CNTNAP2: variants seen among roughly 807,000 people sequenced by gnomAD.
CNTNAP2 encodes contactin associated protein 2.
In CNTNAP2, 98 loss-of-function variants were observed where a neutral mutation model predicts 155.2. The observed-to-expected ratio is 0.63, with a 90% CI of 0.54 to 0.75. The LOEUF (loss-of-function observed/expected upper bound fraction) is 0.75, where lower values mean the gene tolerates loss of function less well. Ranked by LOEUF, CNTNAP2 falls within the 30% of genes least tolerant of loss-of-function variation. CNTNAP2 has a pLI of 0.00. For missense variants in CNTNAP2, 1,727 were observed against 1,688.1 expected (o/e 1.02, Z -0.40); for synonymous variants, 651 against 631.2 (o/e 1.03, Z -0.47).
intron 1 of CNTNAP2, among the ~76,000 whole-genome samples, chr7:146,326,827 C>T (rs1801105312): frequency 1.3e-5 from 2 of 152,102 alleles, no homozygotes; most frequent in African/African-American, 4.8e-5. Flanking sequence ...AACTATGTAA[C>T]CAGTTGGTTA....
intron 4 of CNTNAP2, among the ~76,000 whole-genome samples, chr7:147,047,105 C>CT (rs34699998): frequency 0.018 from 1,749 of 99,804 alleles, 73 homozygotes; most frequent in East Asian, 0.031. Flanking sequence ...AGTTATGTTT[C>CT]TTTTTTTTTT....
At chr7:146,291,012 T>C (rs1017022275) in intron 1 of CNTNAP2, among the ~76,000 whole-genome samples, 1 of 152,216 alleles carries the variant, frequency 6.6e-6, no homozygotes. Flanking sequence ...AGAGTTCCCT[T>C]GCCAACTACA....
chr7:148,194,002 G>A (rs1795237038), intron 18 of CNTNAP2, among the ~76,000 whole-genome samples: 1 of 150,162 alleles, frequency 6.7e-6, no homozygotes, highest in Non-Finnish European at 1.5e-5. Flanking sequence ...ACAGGGTCTT[G>A]CTCTGTCGCC....
At chr7:148,033,873 C>A (rs979220181) in intron 15 of CNTNAP2, among the ~76,000 whole-genome samples, 2 of 152,144 alleles carry the variant, frequency 1.3e-5, no homozygotes, top group Non-Finnish European at 2.9e-5. Flanking sequence ...CATATTACTT[C>A]TTCTTACCCC....
chr7:147,586,628 G>C (rs1029784480), intron 12 of CNTNAP2, among the ~76,000 whole-genome samples: 1 of 151,602 alleles, frequency 6.6e-6, no homozygotes, highest in African/African-American at 2.4e-5. Flanking sequence ...TAAAGAATGA[G>C]GCAGAAACAA....
At chr7:146,648,628 T>C (rs1799855749) in intron 1 of CNTNAP2, among the ~76,000 whole-genome samples, 1 of 152,132 alleles carries the variant, frequency 6.6e-6, no homozygotes, top group Non-Finnish European at 1.5e-5. Context: ...TCAGATATTT[T>C]GTAAGCAATG....
chr7:146,995,153 A>T (rs1916941), intron 3 of CNTNAP2, among the ~76,000 whole-genome samples: 1 of 151,756 alleles, frequency 6.6e-6, no homozygotes, highest in African/African-American at 2.4e-5. Context: ...TCGATTTGTG[A>T]TAAATGACAC....
intron 8 of CNTNAP2, among the ~76,000 whole-genome samples, chr7:147,157,324 T>C (rs895310259): frequency 6.0e-4 from 92 of 152,226 alleles, no homozygotes; most frequent in African/African-American, 2.1e-3. Flanking sequence ...TTCCCTGAGA[T>C]CCAATTTTGA....
chr7:147,785,139 A>G (rs1797721011), intron 13 of CNTNAP2, among the ~76,000 whole-genome samples: 1 of 152,160 alleles, frequency 6.6e-6, no homozygotes, highest in Non-Finnish European at 1.5e-5. Flanking sequence ...TGAGACATAA[A>G]TTTTGAGGTT....
intron 13 of CNTNAP2, among the ~76,000 whole-genome samples, chr7:147,770,437 TA>T (rs1364969889): frequency 1.3e-5 from 2 of 152,298 alleles, no homozygotes; most frequent in East Asian, 1.9e-4. Context: ...CCAAAGAAAC[TA>T]AAAAAGTCAT....
intron 1 of CNTNAP2, among the ~76,000 whole-genome samples, chr7:146,288,555 A>G (rs1212369292): frequency 2.0e-5 from 3 of 151,980 alleles, no homozygotes; most frequent in South Asian, 2.1e-4. Flanking sequence ...ATTTTATGCC[A>G]TTTTACTTAA....
chr7:147,493,286 C>T (rs545699554), intron 11 of CNTNAP2, among the ~76,000 whole-genome samples: 2 of 152,290 alleles, frequency 1.3e-5, no homozygotes, highest in South Asian at 4.1e-4. Context: ...AGTACATCTA[C>T]TCTTTCTAAT....
chr7:146,885,855 T>C (rs1392884315), intron 3 of CNTNAP2, among the ~76,000 whole-genome samples: 4 of 152,122 alleles, frequency 2.6e-5, no homozygotes, highest in Admixed American at 2.0e-4. Flanking sequence ...TTCAATAATA[T>C]GTGAGTGTAT....
chr7:146,756,382 A>G (rs1054516631), intron 1 of CNTNAP2, among the ~76,000 whole-genome samples: 1 of 152,020 alleles, frequency 6.6e-6, no homozygotes, highest in Admixed American at 6.6e-5. Flanking sequence ...ATGCTTGATA[A>G]CATTATCTTC....
chr7:146,453,348 A>G (rs1796509767), intron 1 of CNTNAP2, among the ~76,000 whole-genome samples: 1 of 152,202 alleles, frequency 6.6e-6, no homozygotes, highest in African/African-American at 2.4e-5. Flanking sequence ...TAGAGTTTGC[A>G]TCAGTAGTAA....
At position 146,995,455 on chromosome 7, in the gene CNTNAP2, G is replaced by A. The variant is rs563631616; in HGVS notation, c.403-48452G>A. ...ATATTAATGTATATTCCCATCAACA[G>A]TTGATAAGACTTCTGTTTTCTCCAC... On this transcript the variant is annotated intron_variant, in intron 3 of 23. Transcript: ENST00000361727. 3.2e-4 allele frequency among the ~76,000 whole-genome samples: 48 copies of A among 152,096 alleles called. No individual in the cohort carries two copies. The East Asian group carries it at 8.9e-3, about 28-fold the overall frequency.
intron 10 of CNTNAP2, among the ~76,000 whole-genome samples, chr7:147,398,589 C>CTTTTTTTTTTT (rs58507416): frequency 1.0e-4 from 9 of 87,718 alleles, no homozygotes; most frequent in Non-Finnish European, 1.3e-4. Flanking sequence ...ACGATTTGAA[C>CTTTTTTTTTTT]TTTTTTTTTT....
At position 146,171,027 on chromosome 7, in the gene CNTNAP2, A is replaced by AAAATAAAT. The variant is rs34457672; in HGVS notation, c.97+54073_97+54080dup. ...AGGCAACAGAGCGAGACTCCGTCTA[A>AAAATAAAT]AAATAAATAAATAAATAAATAAATA... is the stretch of plus-strand genomic sequence containing the variant. On this transcript the variant is annotated intron_variant, in intron 1 of 23. Transcript: ENST00000361727. 1.6e-3 allele frequency among the ~76,000 whole-genome samples: 241 copies of AAAATAAAT among 151,830 alleles called. 2 individuals are homozygous for AAAATAAAT. Among genetic ancestry groups the AAAATAAAT allele is most frequent in the East Asian group, 6.0e-3 (31 of 5,164 alleles).
At chr7:147,214,894 CT>C (rs1803232111) in intron 8 of CNTNAP2, among the ~76,000 whole-genome samples, 1 of 152,132 alleles carries the variant, frequency 6.6e-6, no homozygotes, top group Non-Finnish European at 1.5e-5. Flanking sequence ...CCTCAGCATA[CT>C]TACGGTCATG....
Sources: allele counts gnomAD v4.1 joint callset (sites outside exome capture counted in the v4.1 genomes callset), GRCh38; gene constraint gnomAD v4.1.1; transcripts MANE v1.5; gene names NCBI Gene and HGNC (gene_info 2026-07-23, HGNC 2026-07-21).